LMX1A: variants seen among roughly 807,000 people sequenced by gnomAD.
The protein encoded by LMX1A is LIM homeobox transcription factor 1-alpha.
A neutral mutation model predicts 49.1 loss-of-function variants in LMX1A; 15 were observed. The observed-to-expected ratio is 0.31, with a 90% CI of 0.20 to 0.47. LMX1A has a LOEUF of 0.47. LMX1A is among the 20% of genes least tolerant of loss of function. The pLI is 1.00. For synonymous variants in LMX1A, 167 were observed against 185.7 expected (o/e 0.90, Z 0.82); for missense variants, 372 against 475.8 (o/e 0.78, Z 2.03).
At chr1:165,316,329 A>G (rs72702453) in intron 3 of LMX1A, among the ~76,000 whole-genome samples, 12,032 of 152,250 alleles carry the variant, frequency 0.079, 816 homozygotes, top group African/African-American at 0.19. Flanking sequence ...AGGGCAGAGC[A>G]GAGAGGCCTG....
chr1:165,247,275 T>C (rs565807299), intron 4 of LMX1A, among the ~76,000 whole-genome samples: 1 of 152,178 alleles, frequency 6.6e-6, no homozygotes, highest in East Asian at 1.9e-4. Flanking sequence ...TCTGGGTATA[T>C]ACATCTTTCT....
intron 3 of LMX1A, among the ~76,000 whole-genome samples, chr1:165,328,524 C>A (rs973623744): frequency 6.6e-6 from 1 of 152,190 alleles, no homozygotes; most frequent in Non-Finnish European, 1.5e-5. Context: ...GTGGTCCACC[C>A]AACAGGGCCA....
rs112884893 is a variant in LMX1A at position 165,230,784 on chromosome 1, C to A, written c.497-16971G>T. 8.5e-5 allele frequency among the ~76,000 whole-genome samples: 13 copies of A among 152,294 alleles called. 2 individuals are homozygous for A. Among genetic ancestry groups the A allele is most frequent in the African/African-American group, 2.9e-4 (12 of 41,562 alleles). Reference sequence around the variant, plus strand: ...CAAGATCACATGCCTACTTAGCAGCCCCCAAATCTAGGATTCAAGTCTCTT... The same window carrying A: ...CAAGATCACATGCCTACTTAGCAGCACCCAAATCTAGGATTCAAGTCTCTT... On this transcript the variant is annotated intron_variant, in intron 4 of 8. Coordinates refer to ENST00000342310, the MANE Select transcript of LMX1A (RefSeq NM_177398.4).
intron 4 of LMX1A, among the ~76,000 whole-genome samples, chr1:165,243,947 T>C (rs1428432865): frequency 6.6e-6 from 1 of 152,178 alleles, no homozygotes; most frequent in Non-Finnish European, 1.5e-5. Flanking sequence ...GGCTGGTCAC[T>C]GGAAAGGCCA....
chr1:165,253,598 A>G (rs1227345857), intron 3 of LMX1A, among the ~76,000 whole-genome samples: 1 of 152,238 alleles, frequency 6.6e-6, no homozygotes, highest in Non-Finnish European at 1.5e-5. Flanking sequence ...GCCAGGCTGC[A>G]GGATTGGAAG....
chr1:165,305,999 T>C (rs1210398573), intron 3 of LMX1A, among the ~76,000 whole-genome samples: 2 of 152,196 alleles, frequency 1.3e-5, no homozygotes, highest in African/African-American at 2.4e-5. Context: ...AATGCGTTAC[T>C]AGCATGAACG....
At chr1:165,340,884 T>G (rs145283901) in intron 3 of LMX1A, among the ~76,000 whole-genome samples, 2,965 of 152,284 alleles carry the variant, frequency 0.019, 56 homozygotes, top group Admixed American at 0.034. Context: ...TCAAAAGTCA[T>G]GATGTTCAAC....
At position 165,205,983 on chromosome 1, in the gene LMX1A, T is replaced by G. The variant is rs936265440; in HGVS notation, c.869A>C (p.Tyr290Ser). 5.0e-6 allele frequency: 8 copies of G among 1,606,460 alleles called. No individual in the cohort carries two copies. The highest frequency in any genetic ancestry group is 6.8e-6 in the Non-Finnish European group (8 of 1,176,864). ...SAGMEGIMNP[Y>S]TALPTPQQLL... ...CTGCTGTGGGGTGGGCAGAGCCGTGTAGGGGTTCATGATTCCTTCCATCCC... is the reference window on the plus strand; with the variant it reads ...CTGCTGTGGGGTGGGCAGAGCCGTGGAGGGGTTCATGATTCCTTCCATCCC... The change falls in exon 8 of 9, where the codon TAC becomes TCC. Residue 290 changes from tyrosine (Y) to serine (S), a missense_variant. Coordinates refer to ENST00000342310, the MANE Select transcript of LMX1A (RefSeq NM_177398.4).
At chr1:165,258,802 C>T (rs1653335616) in intron 3 of LMX1A, among the ~76,000 whole-genome samples, 1 of 152,218 alleles carries the variant, frequency 6.6e-6, no homozygotes, top group African/African-American at 2.4e-5. Flanking sequence ...ATTCCAGAAT[C>T]AGCAAGACAC....
At chr1:165,249,669 C>T (rs1184072573) in intron 3 of LMX1A, 29 bp from the exon 4 acceptor site, 3 of 1,576,046 alleles carry the variant, frequency 1.9e-6, no homozygotes, top group Admixed American at 1.7e-5. Flanking sequence ...GAAGTACATG[C>T]ACCATGAGTA....
intron 3 of LMX1A, among the ~76,000 whole-genome samples, chr1:165,340,955 C>G (rs1039491925): frequency 6.6e-6 from 1 of 152,184 alleles, no homozygotes; most frequent in Non-Finnish European, 1.5e-5. Flanking sequence ...CAACCTCTCA[C>G]CTTAATTCAT....
intron 3 of LMX1A, among the ~76,000 whole-genome samples, chr1:165,327,939 G>A (rs190668823): frequency 1.3e-5 from 2 of 152,204 alleles, no homozygotes; most frequent in African/African-American, 2.4e-5. Context: ...CCACCACCTC[G>A]ACTTAGAGAG....
intron 3 of LMX1A, among the ~76,000 whole-genome samples, chr1:165,313,120 AG>A (rs1253092465): frequency 5.3e-5 from 8 of 152,196 alleles, no homozygotes; most frequent in Non-Finnish European, 1.2e-4. Context: ...AACAATATAG[AG>A]TCTACAGGTA....
At chr1:165,230,832 C>T (rs1011030118) in intron 4 of LMX1A, among the ~76,000 whole-genome samples, 5 of 152,280 alleles carry the variant, frequency 3.3e-5, no homozygotes, top group Non-Finnish European at 7.4e-5. Context: ...GTGCTCCTTC[C>T]CCATTCCAAG....
rs143947244 is a variant in LMX1A at position 165,316,307 on chromosome 1, G to A, written c.263+36769C>T. 1.2e-3 allele frequency among the ~76,000 whole-genome samples: 187 copies of A among 152,332 alleles called. 3 individuals carry two copies. In the East Asian group the frequency reaches 0.03, roughly 25 times the overall value. ...TGAACACATGCTGAGAGCTTACCAC[G>A]GGGAGATGGGGAGGGCAGAGCAGAG... On this transcript the variant is annotated intron_variant, in intron 3 of 8. Transcript: ENST00000342310.
chr1:165,217,338 A>G (rs566743580), intron 4 of LMX1A, among the ~76,000 whole-genome samples: 2 of 152,248 alleles, frequency 1.3e-5, no homozygotes, highest in East Asian at 3.9e-4. Flanking sequence ...CTTGCCTGGG[A>G]CATGTGTACA....
chr1:165,269,995 C>G (rs1246162462), intron 3 of LMX1A, among the ~76,000 whole-genome samples: 1 of 151,902 alleles, frequency 6.6e-6, no homozygotes, highest in East Asian at 1.9e-4. Flanking sequence ...CCATGGCACA[C>G]GTTTACTTAT....
chr1:165,257,365 A>G (rs894454716), intron 3 of LMX1A, among the ~76,000 whole-genome samples: 3 of 152,060 alleles, frequency 2.0e-5, no homozygotes, highest in Non-Finnish European at 4.4e-5. Context: ...TGAGGGGGTC[A>G]CGAAACAGGC....
chr1:165,260,333 G>GGT (rs3038100), intron 3 of LMX1A, among the ~76,000 whole-genome samples: 1,735 of 151,344 alleles, frequency 0.011, 35 homozygotes, highest in African/African-American at 0.038. Context: ...TATATTTCCT[G>GGT]GTGTGTGTGT....
Sources: gnomAD v4.1 joint callset for allele counts (sites outside exome capture counted in the v4.1 genomes callset) on GRCh38, gnomAD v4.1.1 for gene constraint, MANE v1.5 for transcripts, NCBI Gene and HGNC (gene_info 2026-07-23, HGNC 2026-07-21) for gene names.